TNKS2: variants seen among roughly 807,000 people sequenced by gnomAD.
The protein encoded by TNKS2 is poly [ADP-ribose] polymerase tankyrase-2.
TNKS2 carries 72 observed loss-of-function variants against 137.6 expected under a neutral mutation model. The ratio of observed to expected loss-of-function variants is 0.52; its 90% CI spans 0.43 to 0.64. TNKS2 has a LOEUF of 0.64. TNKS2 is among the 30% of genes least tolerant of loss of function. TNKS2 has a pLI of 0.00. For synonymous variants in TNKS2, 516 were observed against 512.1 expected (o/e 1.01, Z -0.10); for missense variants, 1,049 against 1,410.2 (o/e 0.74, Z 4.10).
intron 7 of TNKS2, among the ~76,000 whole-genome samples, chr10:91,823,817 C>G (rs938214377): frequency 6.6e-6 from 1 of 152,172 alleles, no homozygotes; most frequent in African/African-American, 2.4e-5. Flanking sequence ...TCCAGTGCCT[C>G]TTTGGTTCCT....
intron 12 of TNKS2, among the ~76,000 whole-genome samples, chr10:91,835,833 C>T (rs1365787033): frequency 6.6e-6 from 1 of 150,930 alleles, no homozygotes; most frequent in Non-Finnish European, 1.5e-5. Flanking sequence ...GTCTCCAACT[C>T]CTGACCTCAA....
At chr10:91,814,775 A>G (rs1177738191) in intron 2 of TNKS2, among the ~76,000 whole-genome samples, 1 of 152,202 alleles carries the variant, frequency 6.6e-6, no homozygotes. Flanking sequence ...TGTTTGGTAG[A>G]CTGTACCAGC....
intron 1 of TNKS2, among the ~76,000 whole-genome samples, chr10:91,808,954 C>T (rs943987963): frequency 6.6e-6 from 1 of 152,102 alleles, no homozygotes; most frequent in Admixed American, 6.5e-5. Context: ...CTGTTGATGG[C>T]AACTTCACTC....
intron 1 of TNKS2, among the ~76,000 whole-genome samples, chr10:91,808,540 A>G (rs1844402000): frequency 6.6e-6 from 1 of 152,152 alleles, no homozygotes; most frequent in African/African-American, 2.4e-5. Flanking sequence ...GACAAGTGGA[A>G]ATGAGAGACC....
intron 1 of TNKS2, among the ~76,000 whole-genome samples, chr10:91,809,052 T>A (rs999691307): frequency 6.6e-6 from 1 of 152,292 alleles, no homozygotes; most frequent in African/African-American, 2.4e-5. Context: ...ATGGAACTAG[T>A]TACATTTTGA....
chr10:91,844,651 A>G (rs1201403715), intron 16 of TNKS2, among the ~76,000 whole-genome samples: 1 of 152,230 alleles, frequency 6.6e-6, no homozygotes, highest in Non-Finnish European at 1.5e-5. Context: ...TTGGGAATCT[A>G]CAAAGCTAAT....
intron 13 of TNKS2, among the ~76,000 whole-genome samples, chr10:91,837,538 A>G (rs1842065099): frequency 6.6e-6 from 1 of 152,124 alleles, no homozygotes; most frequent in Admixed American, 6.5e-5. Context: ...AACCCTTCTT[A>G]CTGTTTTGAC....
chr10:91,812,058 CAAAAA>C (rs11333861), intron 1 of TNKS2, among the ~76,000 whole-genome samples: 4 of 121,590 alleles, frequency 3.3e-5, no homozygotes, highest in Admixed American at 8.2e-5. Flanking sequence ...CACTCCGTCT[CAAAAA>C]AAAAAAAAAA....
At chr10:91,854,935 A>C in intron 21 of TNKS2, 94 bp from the exon 22 acceptor site, 1 of 583,148 alleles carries the variant, frequency 1.7e-6, no homozygotes, top group Non-Finnish European at 3.0e-6. Context: ...AAAAATTGGT[A>C]GTAAGAATCA....
At chr10:91,812,899 A>G in intron 1 of TNKS2, 84 bp from the exon 2 acceptor site, 6 of 1,520,892 alleles carry the variant, frequency 3.9e-6, no homozygotes, top group Non-Finnish European at 4.4e-6. Flanking sequence ...TTTCAACCTG[A>G]AACATTTTAG....
intron 3 of TNKS2, among the ~76,000 whole-genome samples, chr10:91,817,794 A>G (rs985988558): frequency 2.0e-5 from 3 of 152,192 alleles, no homozygotes; most frequent in Non-Finnish European, 4.4e-5. Flanking sequence ...ACCTATTGCT[A>G]TGCATAAGGC....
intron 11 of TNKS2, among the ~76,000 whole-genome samples, chr10:91,831,944 G>A (rs1389136430): frequency 1.3e-5 from 2 of 152,052 alleles, no homozygotes; most frequent in African/African-American, 2.4e-5. Flanking sequence ...GATGAAGGGA[G>A]AGGAATAGAC....
intron 7 of TNKS2, 68 bp from the exon 8 acceptor site, chr10:91,826,949 T>G: frequency 7.4e-7 from 1 of 1,348,282 alleles, no homozygotes; most frequent in South Asian, 2.2e-5. Context: ...GATGTTAAAT[T>G]ACACAGTACG....
At chr10:91,814,313 A>G (rs558725842) in intron 2 of TNKS2, among the ~76,000 whole-genome samples, 94 of 152,364 alleles carry the variant, frequency 6.2e-4, no homozygotes, top group Non-Finnish European at 1.1e-3. Flanking sequence ...GACATAAAAT[A>G]TTTTTGTATA....
In TNKS2 at chr10:91,831,122, G is replaced by A. The variant is rs766813149; in HGVS notation, c.1216G>A (p.Val406Met). Residue 406 changes from valine to methionine, a missense_variant, in exon 11 of 27, where the codon GTG becomes ATG. Val to Met is a conservative substitution (Grantham distance 21). Coordinates refer to ENST00000371627, the MANE Select transcript of TNKS2 (RefSeq NM_025235.4). ...TCTAAGATTCTTGACTCCTCTGCAC[G>A]TGGCATCTGAGAAAGCTCATAATGA... The part of the protein sequence containing the change: ...KTKEFLTPLH[V>M]ASEKAHNDVV... 4 of 1,613,830 alleles carry A rather than the reference G, an allele frequency of 2.5e-6. No homozygotes were observed. Among genetic ancestry groups the A allele is most frequent in the Admixed American group, 1.7e-5 (1 of 59,990 alleles).
rs374318663 is a variant in TNKS2 at position 91,859,660 on chromosome 10, C to G, written c.3281+12C>G. On this transcript the variant is annotated intron_variant, in intron 25 of 26. Transcript: ENST00000371627. The stretch of plus-strand genomic sequence containing the variant: ...TACATTTGCCACAGGTAAGAGATCA[C>G]TTGTTCTCATTTATTTTGGTGGTAA... 1.9e-6 allele frequency: 3 copies of G among 1,601,872 alleles called. No homozygotes were observed. The South Asian group carries it at 3.4e-5, about 18-fold the overall frequency.
Position 91,819,990 on chromosome 10 carries a change from C to T in TNKS2, c.685C>T (p.Leu229=). ...AGYNRVKIVQ[L]LLQHGADVHA... ...ATATAACAGAGTAAAGATTGTACAG[C>T]TGTTACTGCAACATGGAGCTGATGT... The change falls in exon 6 of 27, where the codon CTG becomes TTG. Residue 229 remains leucine, a synonymous_variant. Transcript: ENST00000371627. The T allele has an allele frequency of 6.3e-7, 1 of 1,594,000 alleles. No homozygotes were observed. The highest frequency in any genetic ancestry group is 1.7e-5 in the Admixed American group (1 of 57,552).
In TNKS2 at chr10:91,864,106, C is replaced by T. The variant is rs1393071136; in HGVS notation, c.*1107C>T. ...ATCTATACATCATGGGTAAACTTAACCCAGAACTATAAAATGTAGTTGTCT... is the reference window on the plus strand; with the variant it reads ...ATCTATACATCATGGGTAAACTTAATCCAGAACTATAAAATGTAGTTGTCT... On this transcript the variant is annotated 3_prime_UTR_variant, in exon 27 of 27. Transcript: ENST00000371627. The T allele has an allele frequency of 1.3e-5, 2 of 152,208 alleles. No homozygotes were observed. The highest frequency in any genetic ancestry group is 1.9e-4 in the East Asian group (1 of 5,188). 9.4% of individuals were successfully genotyped at this position (152,208 alleles called of 1,614,324 possible).
At chr10:91,814,378 A>C (rs1016634686) in intron 2 of TNKS2, among the ~76,000 whole-genome samples, 1 of 152,236 alleles carries the variant, frequency 6.6e-6, no homozygotes, top group African/African-American at 2.4e-5. Context: ...AAAAGCCTTT[A>C]AAAATTTAAA....
Sources: gnomAD v4.1 joint callset for allele counts (sites outside exome capture counted in the v4.1 genomes callset) on GRCh38, gnomAD v4.1.1 for gene constraint, MANE v1.5 for transcripts, NCBI Gene and HGNC (gene_info 2026-07-23, HGNC 2026-07-21) for gene names.